The following CCSER2 variants were observed in gnomAD, a reference collection of about 807,000 sequenced individuals.
The protein encoded by CCSER2 is coiled-coil serine rich protein 2, also known as serine-rich coiled-coil domain-containing protein 2.
A neutral mutation model predicts 92.3 loss-of-function variants in CCSER2; 46 were observed. The observed-to-expected ratio is 0.50, with a 90% CI of 0.39 to 0.64. The LOEUF is 0.64. CCSER2 is among the 30% of genes least tolerant of loss of function. The pLI is 0.00. For synonymous variants in CCSER2, 433 were observed against 431.4 expected, an observed-to-expected ratio of 1.00 and a Z score of -0.04; for missense variants, 1,244 against 1,238.9, an observed-to-expected ratio of 1.00 and a Z score of -0.06.
chr10:84,460,086 G>C (rs534064099), intron 6 of CCSER2, among the ~76,000 whole-genome samples: 21 of 105,804 alleles, frequency 2.0e-4, no homozygotes, highest in Non-Finnish European at 3.7e-4. Flanking sequence ...TTGATTCTTC[G>C]ATTTTTTTTT....
At chr10:84,423,804 A>C (rs1843276622) in intron 4 of CCSER2, among the ~76,000 whole-genome samples, 1 of 152,094 alleles carries the variant, frequency 6.6e-6, no homozygotes, top group East Asian at 1.9e-4. Flanking sequence ...TATAATACAA[A>C]TATGAATTTA....
chr10:84,464,035 G>A lies in CCSER2; in HGVS notation c.2148+19G>A. On this transcript the variant is annotated intron_variant, in intron 7 of 9. Transcript: ENST00000372088. ...ATATAAGGTATGACTATGTAGTCAT[G>A]CTGGATTTTTCAAAATTCTTTTTAA... 2.8e-6 allele frequency: 4 copies of A among 1,410,834 alleles called. No individual in the cohort carries two copies. The highest frequency in any genetic ancestry group is 1.3e-5 in the South Asian group (1 of 79,214). 87.4% of individuals were successfully genotyped at this position (1,410,834 alleles called of 1,614,324 possible).
intron 3 of CCSER2, among the ~76,000 whole-genome samples, chr10:84,406,922 C>CAAGG (rs1441476005): frequency 6.6e-6 from 1 of 152,024 alleles, no homozygotes; most frequent in Non-Finnish European, 1.5e-5. Flanking sequence ...ATTACCTGAA[C>CAAGG]CCTTACTCTA....
chr10:84,505,709 A>G (rs1450926705), intron 9 of CCSER2, among the ~76,000 whole-genome samples: 2 of 152,156 alleles, frequency 1.3e-5, no homozygotes, highest in Non-Finnish European at 1.5e-5. Flanking sequence ...ACTATCTAGT[A>G]TAGTCATTGG....
At chr10:84,329,393 G>A (rs1237264487) in intron 1 of CCSER2, among the ~76,000 whole-genome samples, 2 of 152,162 alleles carry the variant, frequency 1.3e-5, no homozygotes, top group Non-Finnish European at 1.5e-5. Context: ...CCTTGGTGGC[G>A]AAGCTTGTTT....
At chr10:84,374,045 C>T (rs1377111159) in intron 3 of CCSER2, 1 of 939,622 alleles carries the variant, frequency 1.1e-6, no homozygotes, top group Admixed American at 2.9e-5. Context: ...ATATATTCCT[C>T]ATACATATGT....
At chr10:84,380,664 G>A (rs1840851060) in intron 3 of CCSER2, among the ~76,000 whole-genome samples, 1 of 150,734 alleles carries the variant, frequency 6.6e-6, no homozygotes, top group Admixed American at 6.6e-5. Flanking sequence ...TGTACTAGCT[G>A]TGTCTCCTTG....
chr10:84,500,300 G>A (rs1194917655), intron 9 of CCSER2, among the ~76,000 whole-genome samples: 1 of 152,112 alleles, frequency 6.6e-6, no homozygotes, highest in Admixed American at 6.6e-5. Flanking sequence ...TTATCTAATT[G>A]TTTTAAAAAG....
intron 6 of CCSER2, among the ~76,000 whole-genome samples, chr10:84,453,309 G>C (rs1845410395): frequency 6.6e-6 from 1 of 152,190 alleles, no homozygotes; most frequent in African/African-American, 2.4e-5. Context: ...GGCTAGAACA[G>C]AGTTTGGAAA....
chr10:84,420,317 G>T (rs964410578), intron 4 of CCSER2, among the ~76,000 whole-genome samples: 4 of 152,170 alleles, frequency 2.6e-5, no homozygotes, highest in African/African-American at 9.7e-5. Flanking sequence ...TTTTCTAGAA[G>T]AAGGCAAACA....
intron 1 of CCSER2, among the ~76,000 whole-genome samples, chr10:84,329,906 A>G (rs1157016290): frequency 6.6e-6 from 1 of 152,274 alleles, no homozygotes; most frequent in East Asian, 1.9e-4. Flanking sequence ...GTTCTAAACA[A>G]CATTGGCTTC....
At chr10:84,475,604 A>G (rs1847092291) in intron 8 of CCSER2, among the ~76,000 whole-genome samples, 2 of 152,150 alleles carry the variant, frequency 1.3e-5, no homozygotes, top group African/African-American at 4.8e-5. Context: ...ATCCCAAATC[A>G]AAAGTGTGTT....
At chr10:84,403,249 C>T (rs1842212665) in intron 3 of CCSER2, among the ~76,000 whole-genome samples, 1 of 151,972 alleles carries the variant, frequency 6.6e-6, no homozygotes, top group Non-Finnish European at 1.5e-5. Context: ...CAAAGTAAAA[C>T]AAAATAAATC....
intron 5 of CCSER2, among the ~76,000 whole-genome samples, chr10:84,427,996 G>A (rs1176850101): frequency 6.6e-6 from 1 of 152,184 alleles, no homozygotes; most frequent in African/African-American, 2.4e-5. Flanking sequence ...GCATTTGGCT[G>A]TATCAACTCT....
At chr10:84,422,904 A>G (rs1396170699) in intron 4 of CCSER2, among the ~76,000 whole-genome samples, 1 of 152,082 alleles carries the variant, frequency 6.6e-6, no homozygotes, top group Non-Finnish European at 1.5e-5. Context: ...AAACAGAAAA[A>G]ATTAGCCAGG....
chr10:84,436,181 G>T (rs1288127503), intron 5 of CCSER2, among the ~76,000 whole-genome samples: 1 of 150,562 alleles, frequency 6.6e-6, no homozygotes, highest in Non-Finnish European at 1.5e-5. Context: ...CAAAAAATTA[G>T]CCGAGTGTGG....
chr10:84,364,167 G>A (rs112017514), intron 1 of CCSER2, among the ~76,000 whole-genome samples: 23 of 152,310 alleles, frequency 1.5e-4, no homozygotes, highest in African/African-American at 5.5e-4. Context: ...TGAGTGAGTG[G>A]TGAGTGAATG....
intron 3 of CCSER2, among the ~76,000 whole-genome samples, chr10:84,411,673 T>C (rs1197002183): frequency 2.0e-5 from 3 of 152,256 alleles, no homozygotes; most frequent in Non-Finnish European, 4.4e-5. Flanking sequence ...CCTGAGACTT[T>C]GCTGAAGTTG....
intron 1 of CCSER2, among the ~76,000 whole-genome samples, chr10:84,356,945 A>G (rs1845205020): frequency 6.6e-6 from 1 of 152,222 alleles, no homozygotes; most frequent in Non-Finnish European, 1.5e-5. Flanking sequence ...GACACTGTTA[A>G]GGAATATGCT....
Sources: allele counts gnomAD v4.1 joint callset (sites outside exome capture counted in the v4.1 genomes callset), GRCh38; gene constraint gnomAD v4.1.1; transcripts MANE v1.5; gene names NCBI Gene and HGNC (gene_info 2026-07-23, HGNC 2026-07-21).